The following ZP1 variants were observed in gnomAD, a reference collection of about 807,000 sequenced individuals.
ZP1 encodes the protein zona pellucida sperm-binding protein 1.
Under a neutral mutation model 67.4 loss-of-function variants are expected in ZP1, and 58 were observed. That is an observed-to-expected ratio of 0.86 (90% CI 0.70 to 1.07). ZP1 has a LOEUF of 1.07. Ranked by LOEUF, ZP1 falls within the 50% of genes least tolerant of loss-of-function variation. The probability of loss-of-function intolerance (pLI) is 0.00; values close to 1 mark genes in which losing one functional copy is unlikely to be tolerated. For missense variants in ZP1, 759 were observed against 807.3 expected, an observed-to-expected ratio of 0.94 and a Z score of 0.72; for synonymous variants, 333 against 332.7, an observed-to-expected ratio of 1.00 and a Z score of -0.01.
At chr11:60,870,549 G>T in intron 4 of ZP1, 74 bp downstream of exon 4, 1 of 1,514,122 alleles carries the variant, frequency 6.6e-7, no homozygotes. Context: ...TCCTCCAGCT[G>T]GTGGAAACTG....
At chr11:60,870,260 C>T (rs183907512) in intron 3 of ZP1, 72 bp from the exon 4 acceptor site, 31 of 1,398,420 alleles carry the variant, frequency 2.2e-5, no homozygotes, top group Admixed American at 9.4e-5. Context: ...GAGCAGGTTC[C>T]CAAGATTCAA....
At position 60,873,637 on chromosome 11, in the gene ZP1, C is replaced by T. The variant is rs536112489; in HGVS notation, c.1434C>T (p.Cys478=). 22 of 1,614,184 alleles carry T rather than the reference C, an allele frequency of 1.4e-5. No homozygotes were observed. Among genetic ancestry groups the T allele is most frequent in the South Asian group, 9.9e-5 (9 of 91,084 alleles). Residue 478 remains cysteine, a synonymous_variant, in exon 9 of 12, where the codon TGC becomes TGT. Transcript: ENST00000278853. ...CCTCTCTGACTTCTCTTCTCAGATG[C>T]CCTTTCAAGGGCGACAGCTACAGAA... The part of the protein sequence containing the change: ...QPQWPILSDG[C]PFKGDSYRTQ...
At chr11:60,875,369 G>A in intron 11 of ZP1, 121 bp downstream of exon 11, 4 of 1,513,946 alleles carry the variant, frequency 2.6e-6, no homozygotes, top group African/African-American at 1.4e-5. Context: ...ACTGCAGTCA[G>A]TGGGGAACTA....
At position 60,869,558 on chromosome 11, in the gene ZP1, G is replaced by T. The variant is rs985709830; in HGVS notation, c.340G>T (p.Val114Leu). The T allele has an allele frequency of 3.1e-6, 5 of 1,609,698 alleles. No individual in the cohort carries two copies. In the African/African-American group the frequency reaches 5.3e-5, roughly 17 times the overall value. Residue 114 changes from valine (V) to leucine (L), a missense_variant, in exon 3 of 12, where the codon GTG becomes TTG. Physicochemically the swap from Val to Leu is conservative, Grantham distance 32. Transcript: ENST00000278853. Reference protein sequence around the residue: ...LEKDGRFHLRVFMEAVLPNGR... With the variant: ...LEKDGRFHLRLFMEAVLPNGR... ...GCAGGATGGGCGTTTCCACCTGAGGGTGTTCATGGAGGCTGTGCTGCCCAA... is the reference window on the plus strand; with the variant it reads ...GCAGGATGGGCGTTTCCACCTGAGGTTGTTCATGGAGGCTGTGCTGCCCAA...
Position 60,873,485 on chromosome 11 carries a change from G to C in ZP1, c.1351G>C (p.Val451Leu), listed in dbSNP as rs748033099. 1.2e-6 allele frequency: 2 copies of C among 1,613,556 alleles called. No individual in the cohort carries two copies. The highest frequency in any genetic ancestry group is 3.3e-5 in the Admixed American group (2 of 60,014). ...RLLQRTDPNL[V>L]LLLHQCWGAP... Reference sequence around the variant, plus strand: ...TCTGCAGAGGACAGACCCCAACCTGGTCCTGCTGCTGCACCAGTGCTGGGG... The same window carrying C: ...TCTGCAGAGGACAGACCCCAACCTGCTCCTGCTGCTGCACCAGTGCTGGGG... The change falls in exon 8 of 12, where the codon GTC (valine) becomes CTC (leucine). Residue 451 changes from valine to leucine, a missense_variant. By Grantham distance (32) the Val-to-Leu change is conservative. Transcript: ENST00000278853.
intron 1 of ZP1, 32 bp from the exon 2 acceptor site, chr11:60,869,113 C>T: frequency 1.2e-6 from 2 of 1,613,748 alleles, no homozygotes; most frequent in Non-Finnish European, 8.5e-7. Flanking sequence ...CACCCTTCAA[C>T]ATCCCTGGCC....
At chr11:60,868,800 G>A (rs1009534762) in intron 1 of ZP1, among the ~76,000 whole-genome samples, 1 of 152,228 alleles carries the variant, frequency 6.6e-6, no homozygotes, top group African/African-American at 2.4e-5. Context: ...TCAGCCACAG[G>A]ATGTGGATAA....
intron 1 of ZP1, among the ~76,000 whole-genome samples, chr11:60,868,121 C>T (rs1414043194): frequency 2.0e-5 from 3 of 151,150 alleles, no homozygotes; most frequent in African/African-American, 4.9e-5. Context: ...GATCTCAGCT[C>T]ACTGCAACCT....
Position 60,867,590 on chromosome 11 carries a change from G to T in ZP1, c.29G>T (p.Gly10Val). The T allele has an allele frequency of 6.2e-7, 1 of 1,613,040 alleles. No individual in the cohort carries two copies. The highest frequency in any genetic ancestry group is 1.1e-5 in the South Asian group (1 of 90,962). Residue 10 changes from glycine to valine, a missense_variant, in exon 1 of 12, where the codon GGT becomes GTT. Coordinates refer to ENST00000278853, the MANE Select transcript of ZP1 (RefSeq NM_207341.4). Reference sequence around the variant, plus strand: ...GCAGGAGGCTCAGCCACGACCTGGGGTTACCCTGTGGCCCTGCTACTGCTG... The same window carrying T: ...GCAGGAGGCTCAGCCACGACCTGGGTTTACCCTGTGGCCCTGCTACTGCTG... The part of the protein sequence containing the change: MAGGSATTW[G>V]YPVALLLLVA...
Position 60,871,119 on chromosome 11 carries a change from T to C in ZP1, c.989T>C (p.Leu330Pro), listed in dbSNP as rs1168071172. Residue 330 changes from leucine to proline, a missense_variant, in exon 5 of 12, where the codon CTC becomes CCC. Leu to Pro is a moderately conservative substitution (Grantham distance 98). Coordinates refer to ENST00000278853, the MANE Select transcript of ZP1 (RefSeq NM_207341.4). The part of the protein sequence containing the change: ...TEAFVVFYFP[L>P]THCGTTMQVA... ...GCTTTCGTGGTCTTCTACTTCCCTC[T>C]CACCCACTGTGGAACCACAATGCAG... is the stretch of plus-strand genomic sequence containing the variant. 3 of 1,613,980 alleles carry C rather than the reference T, an allele frequency of 1.9e-6. No individual in the cohort carries two copies. Among genetic ancestry groups the C allele is most frequent in the Middle Eastern group, 1.6e-4 (1 of 6,084 alleles).
At chr11:60,872,490 T>C (rs1428163694) in intron 6 of ZP1, among the ~76,000 whole-genome samples, 1 of 152,178 alleles carries the variant, frequency 6.6e-6, no homozygotes, top group African/African-American at 2.4e-5. Context: ...AGGAGGGTGT[T>C]GGCCCCACCA....
rs763081969 is a variant in ZP1, at chr11:60,869,665, A to T, written c.447A>T (p.Ala149=). ...DPSRTLDSQL[A]PPAMFSVSTP... ...CCCGGACTCTGGACTCCCAGCTGGCACCACCCGCCATGTTCTCTGTCTCAA... is the reference window on the plus strand; with the variant it reads ...CCCGGACTCTGGACTCCCAGCTGGCTCCACCCGCCATGTTCTCTGTCTCAA... Residue 149 remains alanine (A), a synonymous_variant, in exon 3 of 12, where the codon GCA becomes GCT. Transcript: ENST00000278853. 1.1e-5 allele frequency: 17 copies of T among 1,613,878 alleles called. No individual in the cohort carries two copies. The highest frequency in any genetic ancestry group is 1.4e-5 in the Non-Finnish European group (17 of 1,179,910).
At chr11:60,874,052 C>T (rs1855649598) in intron 9 of ZP1, among the ~76,000 whole-genome samples, 1 of 152,198 alleles carries the variant, frequency 6.6e-6, no homozygotes, top group African/African-American at 2.4e-5. Flanking sequence ...ACTTCTGATT[C>T]CAGAAATGAT....
At position 60,869,626 on chromosome 11, in the gene ZP1, C is replaced by T. The variant is rs374259889; in HGVS notation, c.408C>T (p.Pro136=). Residue 136 remains proline, a synonymous_variant, in exon 3 of 12, where the codon CCC becomes CCT. Coordinates refer to ENST00000278853, the MANE Select transcript of ZP1 (RefSeq NM_207341.4). ...DVAQDATLIC[P]KPDPSRTLDS... is the part of the protein sequence containing the mutation. ...CACAAGACGCTACTCTGATCTGTCC[C>T]AAACCTGACCCCTCCCGGACTCTGG... 3 of 1,614,044 alleles carry T rather than the reference C, an allele frequency of 1.9e-6. No individual in the cohort carries two copies. The highest frequency in any genetic ancestry group is 2.5e-6 in the Non-Finnish European group (3 of 1,180,040).
In ZP1 at chr11:60,873,379, G is replaced by A. The variant is rs746023117; in HGVS notation, c.1245G>A (p.Glu415=). ...CATGAGTCACTCTCCCTGCAGACGA[G>A]ACCTTCAGCTCGTACTATGGGGAGG... ...LRLELRIAKD[E]TFSSYYGEDD... is the part of the protein sequence containing the mutation. Residue 415 remains glutamate (E), a synonymous_variant, in exon 8 of 12, where the codon GAG becomes GAA. Coordinates refer to ENST00000278853, the MANE Select transcript of ZP1 (RefSeq NM_207341.4). The A allele has an allele frequency of 2.5e-6, 4 of 1,602,660 alleles. No homozygotes were observed. In the East Asian group the frequency reaches 6.7e-5, roughly 27 times the overall value.
intron 2 of ZP1, 95 bp downstream of exon 2, chr11:60,869,361 C>T (rs1027840335): frequency 9.0e-6 from 14 of 1,555,976 alleles, no homozygotes; most frequent in African/African-American, 2.7e-5. Flanking sequence ...GAGCCAAAGC[C>T]GAAGATCTGT....
chr11:60,873,600 T>A (rs1249003187), intron 8 of ZP1, 34 bp from the exon 9 acceptor site: 3 of 1,613,940 alleles, frequency 1.9e-6, no homozygotes, highest in Non-Finnish European at 2.5e-6. Context: ...CTGCTCTGCC[T>A]CCTGTAAACA....
Position 60,873,370 on chromosome 11 carries a change from T to G in ZP1, c.1241-5T>G. On this transcript the variant is annotated splice_region_variant and splice_polypyrimidine_tract_variant and intron_variant, in intron 7 of 11. Transcript: ENST00000278853. ...GCCCTGGCTCATGAGTCACTCTCCC[T>G]GCAGACGAGACCTTCAGCTCGTACT... The G allele has an allele frequency of 6.3e-7, 1 of 1,599,356 alleles. No individual in the cohort carries two copies. The highest frequency in any genetic ancestry group is 8.6e-7 in the Non-Finnish European group (1 of 1,167,966).
chr11:60,871,127 T>C lies in ZP1; in HGVS notation c.997T>C (p.Cys333Arg), dbSNP rs780523015. 2 of 1,614,032 alleles carry C rather than the reference T, an allele frequency of 1.2e-6. No homozygotes were observed. The highest frequency in any genetic ancestry group is 1.7e-6 in the Non-Finnish European group (2 of 1,179,948). ...FVVFYFPLTH[C>R]GTTMQVAGDQ... ...GGTCTTCTACTTCCCTCTCACCCAC[T>C]GTGGAACCACAATGCAGGTAGGAGC... Residue 333 changes from cysteine (C) to arginine (R), a missense_variant, in exon 5 of 12, where the codon TGT (cysteine) becomes CGT (arginine). By Grantham distance (180) the Cys-to-Arg change is radical. Transcript: ENST00000278853.
Sources: gnomAD v4.1 joint callset for allele counts (sites outside exome capture counted in the v4.1 genomes callset) on GRCh38, gnomAD v4.1.1 for gene constraint, MANE v1.5 for transcripts, NCBI Gene and HGNC (gene_info 2026-07-23, HGNC 2026-07-21) for gene names.